ARHGAP21: variants seen among roughly 807,000 people sequenced by gnomAD.
The protein encoded by ARHGAP21 is rho GTPase-activating protein 21.
Under a neutral mutation model 164.6 loss-of-function variants are expected in ARHGAP21, and 38 were observed. That is an observed-to-expected ratio of 0.23 (90% CI 0.18 to 0.30). The LOEUF is 0.30. Among genes scored for constraint, ARHGAP21 ranks in the 10% least tolerant of loss-of-function variants. The pLI is 1.00. For synonymous variants in ARHGAP21, 766 were observed against 857.9 expected, an observed-to-expected ratio of 0.89 and a Z score of 1.87; for missense variants, 1,822 against 2,370.7, an observed-to-expected ratio of 0.77 and a Z score of 4.81.
At chr10:24,619,322 G>T in intron 9 of ARHGAP21, 151 bp downstream of exon 9, 1 of 767,364 alleles carries the variant, frequency 1.3e-6, no homozygotes, top group Non-Finnish European at 1.9e-6. Context: ...GTTTGTGAAA[G>T]CTCTGGTTGA....
chr10:24,610,234 G>C (rs2077197448), intron 9 of ARHGAP21, among the ~76,000 whole-genome samples: 2 of 152,062 alleles, frequency 1.3e-5, no homozygotes, highest in South Asian at 4.2e-4. Context: ...AAAATTAGCT[G>C]GGCATGGTGG....
intron 2 of ARHGAP21, among the ~76,000 whole-genome samples, chr10:24,721,239 CAGG>C (rs1464216625): frequency 6.6e-6 from 1 of 152,170 alleles, no homozygotes; most frequent in Non-Finnish European, 1.5e-5. Context: ...ACAGTAAAGG[CAGG>C]AGATTTTTCC....
chr10:24,585,616 A>T lies in ARHGAP21; in HGVS notation c.4673T>A (p.Leu1558Gln). 6.2e-7 allele frequency: 1 copy of T among 1,614,180 alleles called. No homozygotes were observed. Among genetic ancestry groups the T allele is most frequent in the South Asian group, 1.1e-5 (1 of 91,076 alleles). ...TGATTTCTTCATGGAAAACCTTGCC[A>T]GGGAGGCCTGGGAAGACGTGCTGAG... ...TLLSTSSQAS[L>Q]ARFSMKKSTS... The change falls in exon 26 of 26, where the codon CTG becomes CAG. Residue 1558 changes from leucine to glutamine, a missense_variant. Physicochemically the swap from Leu to Gln is moderately radical, Grantham distance 113 (BLOSUM62 -2). Coordinates refer to ENST00000396432, the MANE Select transcript of ARHGAP21 (RefSeq NM_020824.4).
Position 24,722,241 on chromosome 10 carries a change from T to C in ARHGAP21, c.-342A>G, listed in dbSNP as rs1846004644. On this transcript the variant is annotated 5_prime_UTR_variant, in exon 2 of 26. Coordinates refer to ENST00000396432, the MANE Select transcript of ARHGAP21 (RefSeq NM_020824.4). ...CTCCTGAGTCCTGGAAAAATCCGAA[T>C]GGGTCGTGAAGGTTCGAGTGTCAGC... The C allele has an allele frequency of 5.6e-6, 2 of 354,394 alleles. No homozygotes were observed. The highest frequency in any genetic ancestry group is 1.1e-5 in the Non-Finnish European group (2 of 183,870). The allele number at this position is 354,394 out of a possible 1,614,324, so 22.0% of individuals were successfully genotyped here. A position where few individuals can be genotyped will look rare whatever the true frequency, so the allele number is the denominator to read the frequency against.
intron 24 of ARHGAP21, chr10:24,590,940 T>TAAAAAAAAAAAAAAAAAA (rs901265529): frequency 2.9e-6 from 2 of 680,386 alleles, no homozygotes; most frequent in Non-Finnish European, 1.8e-6. Context: ...AACTGTGAAT[T>TAAAAAAAAAAAAAAAAAA]AAAAAAAAAA....
At chr10:24,607,157 A>T (rs1468964595) in intron 11 of ARHGAP21, among the ~76,000 whole-genome samples, 1 of 152,250 alleles carries the variant, frequency 6.6e-6, no homozygotes, top group Non-Finnish European at 1.5e-5. Flanking sequence ...ATTAGAATAC[A>T]GTACACACAC....
intron 1 of ARHGAP21, chr10:24,722,570 T>A (rs1360907177): frequency 1.3e-5 from 2 of 152,488 alleles, no homozygotes; most frequent in Non-Finnish European, 2.9e-5. Context: ...AGCAGAGGGC[T>A]GTGCATGTTG....
intron 7 of ARHGAP21, among the ~76,000 whole-genome samples, chr10:24,624,078 C>G (rs1834838019): frequency 6.6e-6 from 1 of 152,136 alleles, no homozygotes; most frequent in Non-Finnish European, 1.5e-5. Context: ...CAGGTCCCCA[C>G]TTCTGAGTTA....
At chr10:24,641,904 G>T (rs1474278982) in intron 4 of ARHGAP21, among the ~76,000 whole-genome samples, 6 of 151,742 alleles carry the variant, frequency 4.0e-5, no homozygotes, top group Non-Finnish European at 5.9e-5. Flanking sequence ...GGCTGAGGCA[G>T]ATAACTGCTT....
intron 2 of ARHGAP21, among the ~76,000 whole-genome samples, chr10:24,675,456 T>A (rs76597968): frequency 1.3e-5 from 2 of 152,162 alleles, no homozygotes; most frequent in African/African-American, 4.8e-5. Flanking sequence ...TGAAGCAGCA[T>A]GAGGAAATGT....
intron 15 of ARHGAP21, 152 bp downstream of exon 15, chr10:24,597,793 C>T (rs1369762546): frequency 7.6e-6 from 8 of 1,052,462 alleles, no homozygotes; most frequent in Non-Finnish European, 1.1e-5. Context: ...CCGCCCATTA[C>T]TATATGGGAA....
At chr10:24,697,003 G>T (rs1334156864) in intron 2 of ARHGAP21, among the ~76,000 whole-genome samples, 1 of 152,334 alleles carries the variant, frequency 6.6e-6, no homozygotes, top group African/African-American at 2.4e-5. Context: ...CAGAGGCCAG[G>T]TAGCAGCATT....
chr10:24,620,526 T>C lies in ARHGAP21; in HGVS notation c.1369A>G (p.Ser457Gly), dbSNP rs1178884569. 2 of 1,611,802 alleles carry C rather than the reference T, an allele frequency of 1.2e-6. No individual in the cohort carries two copies. Among genetic ancestry groups the C allele is most frequent in the East Asian group, 2.2e-5 (1 of 44,846 alleles). Residue 457 changes from serine (S) to glycine (G), a missense_variant, in exon 9 of 26, where the codon AGT (serine) becomes GGT (glycine). Transcript: ENST00000396432. ...VPQSVQIRQR[S>G]VSQERLEDSV... ...TCTTCCAGTCTTTCTTGGGACACAC[T>C]GCGTTGCCGTATCTGGACAGACTGG...
At chr10:24,633,542 T>G (rs1285715148) in intron 5 of ARHGAP21, 62 bp from the exon 6 acceptor site, 1 of 1,110,462 alleles carries the variant, frequency 9.0e-7, no homozygotes, top group Non-Finnish European at 1.3e-6. Flanking sequence ...TGAACACTTT[T>G]GAAATATTTC....
chr10:24,586,221 A>G, intron 25 of ARHGAP21, 115 bp from the exon 26 acceptor site: 1 of 1,304,072 alleles, frequency 7.7e-7, no homozygotes, highest in Non-Finnish European at 1.0e-6. Context: ...AAGCTCTGGA[A>G]GCATTAACAG....
intron 2 of ARHGAP21, among the ~76,000 whole-genome samples, chr10:24,693,231 A>G (rs1213022603): frequency 6.6e-6 from 1 of 152,204 alleles, no homozygotes; most frequent in African/African-American, 2.4e-5. Context: ...ATGTACTGCT[A>G]TATTTCTATT....
intron 4 of ARHGAP21, among the ~76,000 whole-genome samples, chr10:24,656,554 C>T (rs1294764775): frequency 3.2e-5 from 3 of 94,104 alleles, no homozygotes; most frequent in Non-Finnish European, 4.4e-5. Flanking sequence ...CCGCCCTGTC[C>T]GGGAGGGAGG....
Position 24,597,468 on chromosome 10 carries a change from C to A in ARHGAP21, c.3313G>T (p.Glu1105Ter). ...QSPHSPKEES[E>*]RKLLSKDDTS... ...ATACCTTTACTGAGAAGTTTCCTTTCCGACTCTTCCTTCGGAGAGTGTGGG... is the reference window on the plus strand; with the variant it reads ...ATACCTTTACTGAGAAGTTTCCTTTACGACTCTTCCTTCGGAGAGTGTGGG... Residue 1105 changes from glutamate to a stop codon, truncating the protein, a stop_gained, in exon 16 of 26, where the codon GAA becomes TAA. Coordinates refer to ENST00000396432, the MANE Select transcript of ARHGAP21 (RefSeq NM_020824.4). LOFTEE classifies it high-confidence loss of function. 1 of 1,613,590 alleles carries A rather than the reference C, an allele frequency of 6.2e-7. No homozygotes were observed. The highest frequency in any genetic ancestry group is 8.5e-7 in the Non-Finnish European group (1 of 1,179,844).
At position 24,704,169 on chromosome 10, in the gene ARHGAP21, C is replaced by A. The variant is rs548614014; in HGVS notation, c.63+17668G>T. Among the ~76,000 whole-genome samples, 6 of 152,252 alleles carry A rather than the reference C, an allele frequency of 3.9e-5. No homozygotes were observed. The South Asian group carries it at 1.2e-3, about 32-fold the overall frequency. On this transcript the variant is annotated intron_variant, in intron 2 of 25. Transcript: ENST00000396432. Reference sequence around the variant, plus strand: ...ACTCACTTTCTTTACTCTTCAACTGCCTGGCTCCCAAAGTACTGATTTTGT... The same window carrying A: ...ACTCACTTTCTTTACTCTTCAACTGACTGGCTCCCAAAGTACTGATTTTGT...
Sources: allele counts gnomAD v4.1 joint callset (sites outside exome capture counted in the v4.1 genomes callset), GRCh38; gene constraint gnomAD v4.1.1; transcripts MANE v1.5; gene names NCBI Gene and HGNC (gene_info 2026-07-23, HGNC 2026-07-21).